Variants in IQCM observed in about 807,000 individuals in gnomAD.
The protein encoded by IQCM is IQ motif containing M.
In IQCM, 45 loss-of-function variants were observed where a neutral mutation model predicts 57.6. The ratio of observed to expected loss-of-function variants is 0.78; its 90% CI spans 0.62 to 1.00. The LOEUF is 1.00. Among genes scored for constraint, IQCM ranks in the 50% least tolerant of loss-of-function variants. The probability of loss-of-function intolerance (pLI) is 0.00; values close to 1 mark genes in which losing one functional copy is unlikely to be tolerated. For synonymous variants in IQCM, 148 were observed against 158.9 expected (o/e 0.93, Z 0.51); for missense variants, 468 against 511.6 (o/e 0.91, Z 0.82).
At chr4:149,438,642 C>A (rs1041868177) in intron 12 of IQCM, among the ~76,000 whole-genome samples, 2 of 151,942 alleles carry the variant, frequency 1.3e-5, no homozygotes, top group African/African-American at 4.8e-5. Context: ...AACGAGGATA[C>A]AAAGTTATCA....
intron 7 of IQCM, among the ~76,000 whole-genome samples, chr4:149,668,047 C>T (rs1181209092): frequency 6.6e-6 from 1 of 152,004 alleles, no homozygotes; most frequent in Non-Finnish European, 1.5e-5. Context: ...GCAAGACAGG[C>T]CAACATTCAA....
At chr4:149,378,399 G>A (rs980563506) in intron 13 of IQCM, among the ~76,000 whole-genome samples, 3 of 152,142 alleles carry the variant, frequency 2.0e-5, no homozygotes, top group Non-Finnish European at 4.4e-5. Flanking sequence ...GAATGGCTTT[G>A]ACCAAAATGC....
At chr4:149,571,996 C>T (rs879676459) in intron 9 of IQCM, among the ~76,000 whole-genome samples, 1 of 152,118 alleles carries the variant, frequency 6.6e-6, no homozygotes, top group East Asian at 1.9e-4. Context: ...GCACTAATCT[C>T]CAAAATAACT....
chr4:149,709,713 C>G lies in IQCM; in HGVS notation c.386-23245G>C, dbSNP rs901982228. On this transcript the variant is annotated intron_variant, in intron 5 of 13. Coordinates refer to ENST00000636793, the MANE Select transcript of IQCM (RefSeq NM_001363507.2). ...GATGCAGTGATTTTATTAAGTGTGG[C>G]ACATTTAATTAGATTCCCATTATCA... 7.2e-5 allele frequency among the ~76,000 whole-genome samples: 11 copies of G among 152,176 alleles called. No individual in the cohort carries two copies. The East Asian group carries it at 2.1e-3, about 29-fold the overall frequency.
chr4:149,651,042 C>T (rs1759126891), intron 7 of IQCM, among the ~76,000 whole-genome samples: 1 of 152,116 alleles, frequency 6.6e-6, no homozygotes, highest in Non-Finnish European at 1.5e-5. Context: ...TACATTAAAT[C>T]AGAAGACATC....
chr4:149,590,343 C>T (rs1753035504), intron 8 of IQCM, among the ~76,000 whole-genome samples: 1 of 138,990 alleles, frequency 7.2e-6, no homozygotes, highest in Non-Finnish European at 1.5e-5. Flanking sequence ...TAGTCTTCTA[C>T]ATACTTATAT....
intron 5 of IQCM, among the ~76,000 whole-genome samples, chr4:149,726,632 T>C (rs956544476): frequency 1.3e-5 from 2 of 152,196 alleles, no homozygotes; most frequent in Admixed American, 6.5e-5. Flanking sequence ...ACCTGTGTTG[T>C]CCAATATGAT....
At chr4:149,716,464 G>A (rs373435314) in intron 5 of IQCM, among the ~76,000 whole-genome samples, 10 of 152,196 alleles carry the variant, frequency 6.6e-5, no homozygotes, top group Non-Finnish European at 7.3e-5. Flanking sequence ...CCCCAAGAGA[G>A]CAGAGATGTC....
intron 5 of IQCM, among the ~76,000 whole-genome samples, chr4:149,687,684 G>A (rs981378139): frequency 6.6e-6 from 1 of 151,744 alleles, no homozygotes; most frequent in Non-Finnish European, 1.5e-5. Context: ...GATGAACATA[G>A]ATGCTAACAT....
intron 13 of IQCM, among the ~76,000 whole-genome samples, chr4:149,395,100 C>A (rs1462009494): frequency 1.3e-5 from 2 of 151,970 alleles, no homozygotes; most frequent in African/African-American, 2.4e-5. Context: ...CTACTGAAAT[C>A]TAAGAATTCA....
At chr4:149,481,701 G>GTTTTGTTTTTTT (rs1740817619) in intron 12 of IQCM, among the ~76,000 whole-genome samples, 1 of 51,544 alleles carries the variant, frequency 1.9e-5, no homozygotes, top group African/African-American at 7.6e-5. Flanking sequence ...TTCCAGTTTT[G>GTTTTGTTTTTTT]TTTTTTTTTT....
intron 13 of IQCM, among the ~76,000 whole-genome samples, chr4:149,373,982 T>C (rs1266483358): frequency 6.6e-6 from 1 of 152,100 alleles, no homozygotes; most frequent in Non-Finnish European, 1.5e-5. Context: ...GAAAGGTGAG[T>C]TGTTTCTGCT....
intron 2 of IQCM, among the ~76,000 whole-genome samples, chr4:149,748,468 C>G (rs1245284575): frequency 6.6e-6 from 1 of 152,122 alleles, no homozygotes; most frequent in Non-Finnish European, 1.5e-5. Flanking sequence ...ACTGAGAACA[C>G]TCTCCCATTA....
intron 5 of IQCM, among the ~76,000 whole-genome samples, chr4:149,708,048 A>G (rs2149825549): frequency 6.6e-6 from 1 of 152,112 alleles, no homozygotes; most frequent in East Asian, 1.9e-4. Flanking sequence ...TATCATCAAC[A>G]ACCCACTCTG....
At position 149,669,640 on chromosome 4, in the gene IQCM, A is replaced by G. The variant is rs1336416498; in HGVS notation, c.565+12478T>C. On this transcript the variant is annotated intron_variant, in intron 7 of 13. Coordinates refer to ENST00000636793, the MANE Select transcript of IQCM (RefSeq NM_001363507.2). ...ACATTTAAGTCTTTAATCCATCTTG[A>G]ATTAATTTTTGTATAAGGTGTAAGG... is the stretch of plus-strand genomic sequence containing the variant. Among the ~76,000 whole-genome samples the G allele has an allele frequency of 2.0e-5, 3 of 152,096 alleles. No homozygotes were observed. The South Asian group carries it at 6.2e-4, about 32-fold the overall frequency.
At chr4:149,801,660 T>C (rs1773615421) in intron 2 of IQCM, among the ~76,000 whole-genome samples, 1 of 151,948 alleles carries the variant, frequency 6.6e-6, no homozygotes, top group South Asian at 2.1e-4. Context: ...ACATCACATG[T>C]TTTCACTTAT....
intron 13 of IQCM, among the ~76,000 whole-genome samples, chr4:149,381,587 T>C (rs965139984): frequency 1.3e-5 from 2 of 152,260 alleles, no homozygotes; most frequent in African/African-American, 4.8e-5. Flanking sequence ...ATTATCTGCC[T>C]AGCTCCATTA....
intron 13 of IQCM, among the ~76,000 whole-genome samples, chr4:149,356,306 T>C (rs1412689312): frequency 1.3e-5 from 2 of 152,200 alleles, no homozygotes; most frequent in Non-Finnish European, 2.9e-5. Flanking sequence ...GTTTTAGACA[T>C]GAAGTCCCTG....
At chr4:149,742,440 C>T (rs79220532) in intron 3 of IQCM, among the ~76,000 whole-genome samples, 17,192 of 152,086 alleles carry the variant, frequency 0.11, 1,193 homozygotes, top group South Asian at 0.18. Context: ...GACTGAATAG[C>T]CCACATGTGA....
Sources: gnomAD v4.1 joint callset for allele counts (sites outside exome capture counted in the v4.1 genomes callset) on GRCh38, gnomAD v4.1.1 for gene constraint, MANE v1.5 for transcripts, NCBI Gene and HGNC (gene_info 2026-07-23, HGNC 2026-07-21) for gene names.